Variants in KLHL30 observed in about 807,000 individuals in gnomAD.
KLHL30 encodes the protein kelch-like protein 30.
Under a neutral mutation model 55.0 loss-of-function variants are expected in KLHL30, and 55 were observed. That is an observed-to-expected ratio of 1.00 (90% CI 0.80 to 1.25). The LOEUF is 1.25. Ranked by LOEUF, KLHL30 falls within the 50% of genes most tolerant of loss-of-function variation. The pLI is 0.00. For missense variants in KLHL30, 786 were observed against 811.6 expected (o/e 0.97, Z 0.38); for synonymous variants, 356 against 372.6 (o/e 0.96, Z 0.51).
At chr2:238,143,201 T>C (rs550399842) in intron 3 of KLHL30, among the ~76,000 whole-genome samples, 1 of 152,258 alleles carries the variant, frequency 6.6e-6, no homozygotes. Flanking sequence ...CTGGAGCCGG[T>C]GTACAGGCCT....
At chr2:238,139,771 C>A (rs1386623851) in intron 1 of KLHL30, among the ~76,000 whole-genome samples, 2 of 152,260 alleles carry the variant, frequency 1.3e-5, no homozygotes, top group East Asian at 3.9e-4. Context: ...GGGCGAACGG[C>A]CTCTCCGCTG....
chr2:238,142,639 T>C (rs900473640), intron 2 of KLHL30, among the ~76,000 whole-genome samples, 160 bp from the exon 3 acceptor site: 2 of 152,282 alleles, frequency 1.3e-5, no homozygotes, highest in Middle Eastern at 3.4e-3. Context: ...GAAAGGCACA[T>C]GGTGCAAGGA....
In KLHL30 at chr2:238,147,785, C is replaced by A; in HGVS notation, c.1151-49C>A. On this transcript the variant is annotated intron_variant, in intron 5 of 7. Transcript: ENST00000409223. The surrounding 1 kb of genome is among the most constrained non-coding windows in gnomAD (Gnocchi z 5.8). The stretch of plus-strand genomic sequence containing the variant: ...AAGCCCCAGCCCCTGAGTTTCCAGG[C>A]CTCCCCTCTCCTCCCCAGCCCTGAA... The A allele has an allele frequency of 8.0e-7, 1 of 1,253,166 alleles. No homozygotes were observed. Among genetic ancestry groups the A allele is most frequent in the Non-Finnish European group, 1.1e-6 (1 of 950,900 alleles). 77.6% of individuals were successfully genotyped at this position (1,253,166 alleles called of 1,614,324 possible).
rs1238603814 is a variant in KLHL30, at chr2:238,151,475, A to T, written c.*410A>T. The T allele has an allele frequency of 4.6e-6, 1 of 216,340 alleles. No individual in the cohort carries two copies. The highest frequency in any genetic ancestry group is 9.2e-6 in the Non-Finnish European group (1 of 108,152). The allele number at this position is 216,340 out of a possible 1,614,324, so 13.4% of individuals were successfully genotyped here. On this transcript the variant is annotated 3_prime_UTR_variant, in exon 8 of 8. Coordinates refer to ENST00000409223, the MANE Select transcript of KLHL30 (RefSeq NM_198582.4). ...GGGGTGAACACGGAGCGTCCCAGAA[A>T]GCTGAGGCTGCTGGGGAAGGCAGGC...
At chr2:238,142,095 G>T (rs1451165133) in intron 2 of KLHL30, among the ~76,000 whole-genome samples, 1 of 152,248 alleles carries the variant, frequency 6.6e-6, no homozygotes, top group Non-Finnish European at 1.5e-5. Context: ...GGCATGGCAG[G>T]TCATGATGGA....
intron 4 of KLHL30, 106 bp downstream of exon 4, chr2:238,145,094 C>A: frequency 2.2e-6 from 2 of 906,284 alleles, no homozygotes; most frequent in Non-Finnish European, 3.5e-6. Context: ...TCAAGGCTTG[C>A]CGAGGCCTTT....
At chr2:238,142,345 G>C (rs966963743) in intron 2 of KLHL30, among the ~76,000 whole-genome samples, 16 of 152,144 alleles carry the variant, frequency 1.1e-4, no homozygotes, top group African/African-American at 3.6e-4. Context: ...GCCCGTGGAC[G>C]GTCACCTTGT....
In KLHL30 at chr2:238,146,708, A is replaced by AT. The variant is rs944744889; in HGVS notation, c.1150+877dup. Among the ~76,000 whole-genome samples, 147 of 150,196 alleles carry AT rather than the reference A, an allele frequency of 9.8e-4. 1 individual carries two copies. Among genetic ancestry groups the AT allele is most frequent in the African/African-American group, 3.4e-3 (139 of 41,080 alleles). ...AAGAGGGAGCCGCTGCCCCCAGCCCATAAAAAAATAAAAAATAAAAAAAAA... is the reference window on the plus strand; with the variant it reads ...AAGAGGGAGCCGCTGCCCCCAGCCCATTAAAAAAATAAAAAATAAAAAAAAA... On this transcript the variant is annotated intron_variant, in intron 5 of 7. Transcript: ENST00000409223.
At position 238,141,095 on chromosome 2, in the gene KLHL30, A is replaced by T; in HGVS notation, c.341A>T (p.His114Leu). 6.2e-7 allele frequency: 1 copy of T among 1,608,638 alleles called. No homozygotes were observed. Among genetic ancestry groups the T allele is most frequent in the Non-Finnish European group, 8.5e-7 (1 of 1,176,656 alleles). The change falls in exon 2 of 8, where the codon CAC (histidine) becomes CTC (leucine). Residue 114 changes from histidine (H) to leucine (L), a missense_variant. His to Leu is a moderately conservative substitution (Grantham distance 99, BLOSUM62 -3). Coordinates refer to ENST00000409223, the MANE Select transcript of KLHL30 (RefSeq NM_198582.4). ...CTGACACGCACGGCTGCGCGCCTGCACTTCCCCTCGGTGCAGAAGGTCTGC... is the reference window on the plus strand; with the variant it reads ...CTGACACGCACGGCTGCGCGCCTGCTCTTCCCCTCGGTGCAGAAGGTCTGC... ...EALTRTAARL[H>L]FPSVQKVCGR...
rs565967745 is a variant in KLHL30, at chr2:238,149,928, C to T, written c.1485+776C>T. Among the ~76,000 whole-genome samples the T allele has an allele frequency of 7.9e-5, 12 of 152,312 alleles. No homozygotes were observed. In the East Asian group the frequency reaches 1.9e-3, roughly 24 times the overall value. On this transcript the variant is annotated intron_variant, in intron 7 of 7. Transcript: ENST00000409223. ...CTGGACCTGCCCACCTGCCCCAAGA[C>T]TCCCAGTCCCTGCAGGCTGAGAAGG...
chr2:238,151,177 A>C lies in KLHL30; in HGVS notation c.*112A>C. ...TCACTCGGAGCTACCATTCCTTCCAAGCTGCGCTCAGGCCACCAGGGGTGA... is the reference window on the plus strand; with the variant it reads ...TCACTCGGAGCTACCATTCCTTCCACGCTGCGCTCAGGCCACCAGGGGTGA... On this transcript the variant is annotated 3_prime_UTR_variant, in exon 8 of 8. Coordinates refer to ENST00000409223, the MANE Select transcript of KLHL30 (RefSeq NM_198582.4). 2 of 1,418,104 alleles carry C rather than the reference A, an allele frequency of 1.4e-6. No homozygotes were observed. Among genetic ancestry groups the C allele is most frequent in the Middle Eastern group, 5.1e-4 (2 of 3,940 alleles). 87.8% of individuals were successfully genotyped at this position (1,418,104 alleles called of 1,614,324 possible). A position where few individuals can be genotyped will look rare whatever the true frequency, so the allele number is the denominator to read the frequency against.
intron 2 of KLHL30, among the ~76,000 whole-genome samples, 183 bp downstream of exon 2, chr2:238,141,711 G>A (rs1049250029): frequency 3.7e-4 from 56 of 152,374 alleles, no homozygotes; most frequent in Non-Finnish European, 1.3e-4. Flanking sequence ...TGCAGATCAT[G>A]CCTCTGTGTG....
chr2:238,144,369 C>CGGAAGGAA (rs72453433), intron 3 of KLHL30, among the ~76,000 whole-genome samples: 112 of 78,820 alleles, frequency 1.4e-3, no homozygotes, highest in Non-Finnish European at 2.4e-3. Flanking sequence ...GGAGGGTGCT[C>CGGAAGGAA]GGAAGGAAGG....
Position 238,152,178 on chromosome 2 carries a change from G to C in KLHL30, c.*1113G>C, listed in dbSNP as rs950739959. On this transcript the variant is annotated 3_prime_UTR_variant, in exon 8 of 8. Coordinates refer to ENST00000409223, the MANE Select transcript of KLHL30 (RefSeq NM_198582.4). ...TGCCCCAGAGGCCCTGGGCAGCTCCGGTCTCCCGCCGGATCCAGGCTTCCT... is the reference window on the plus strand; with the variant it reads ...TGCCCCAGAGGCCCTGGGCAGCTCCCGTCTCCCGCCGGATCCAGGCTTCCT... 2 of 985,402 alleles carry C rather than the reference G, an allele frequency of 2.0e-6. No homozygotes were observed. Among genetic ancestry groups the C allele is most frequent in the Non-Finnish European group, 2.4e-6 (2 of 829,982 alleles). 61.0% of individuals were successfully genotyped at this position (985,402 alleles called of 1,614,324 possible).
intron 5 of KLHL30, 69 bp downstream of exon 5, chr2:238,145,901 C>G: frequency 6.9e-7 from 1 of 1,457,126 alleles, no homozygotes; most frequent in South Asian, 1.4e-5. Flanking sequence ...CAACAGGAAC[C>G]GAGAGCCCCA....
intron 4 of KLHL30, among the ~76,000 whole-genome samples, 152 bp downstream of exon 4, chr2:238,145,140 G>C (rs1306211545): frequency 6.6e-6 from 1 of 152,250 alleles, no homozygotes; most frequent in African/African-American, 2.4e-5. Context: ...TAAAATCCGT[G>C]GTCACTCGTG....
intron 4 of KLHL30, among the ~76,000 whole-genome samples, chr2:238,145,280 G>C (rs1222256174): frequency 6.6e-6 from 1 of 152,204 alleles, no homozygotes; most frequent in Non-Finnish European, 1.5e-5. Context: ...CTTCAGCATG[G>C]GGTGCCACGA....
intron 6 of KLHL30, 44 bp from the exon 7 acceptor site, chr2:238,148,963 C>T (rs760361777): frequency 1.3e-6 from 2 of 1,551,826 alleles, no homozygotes; most frequent in South Asian, 2.4e-5. Context: ...AGTGCCCGCT[C>T]TGGCAACCCT....
In KLHL30 at chr2:238,147,803, G is replaced by T; in HGVS notation, c.1151-31G>T. 7.4e-7 allele frequency: 1 copy of T among 1,346,754 alleles called. No individual in the cohort carries two copies. The highest frequency in any genetic ancestry group is 1.7e-5 in the South Asian group (1 of 57,848). 83.4% of individuals were successfully genotyped at this position (1,346,754 alleles called of 1,614,324 possible). On this transcript the variant is annotated intron_variant, in intron 5 of 7. Coordinates refer to ENST00000409223, the MANE Select transcript of KLHL30 (RefSeq NM_198582.4). This position sits in a 1 kb window ranked among gnomAD's most constrained non-coding sequence, Gnocchi z 5.8. The stretch of plus-strand genomic sequence containing the variant: ...TTCCAGGCCTCCCCTCTCCTCCCCA[G>T]CCCTGAACTGCCCCCGCCCTCACCC...
Sources: allele counts gnomAD v4.1 joint callset (sites outside exome capture counted in the v4.1 genomes callset), GRCh38; gene constraint gnomAD v4.1.1; non-coding constraint Gnocchi (gnomAD v3.1); transcripts MANE v1.5; gene names NCBI Gene and HGNC (gene_info 2026-07-23, HGNC 2026-07-21).